The following SARAF variants were observed in gnomAD, a reference collection of about 807,000 sequenced individuals.
SARAF encodes the protein store-operated calcium entry-associated regulatory factor.
Under a neutral mutation model 39.7 loss-of-function variants are expected in SARAF, and 23 were observed. The observed-to-expected ratio is 0.58, with a 90% CI of 0.42 to 0.82. The LOEUF (loss-of-function observed/expected upper bound fraction) is 0.82, where lower values mean the gene tolerates loss of function less well. SARAF is among the 40% of genes least tolerant of loss of function. The probability of loss-of-function intolerance (pLI) is 0.00; values close to 1 mark genes in which losing one functional copy is unlikely to be tolerated. For missense variants in SARAF, 384 were observed against 418.5 expected (o/e 0.92, Z 0.72); for synonymous variants, 175 against 168.5 (o/e 1.04, Z -0.30).
At chr8:30,079,947 T>C (rs1400368616) in intron 1 of SARAF, among the ~76,000 whole-genome samples, 1 of 152,126 alleles carries the variant, frequency 6.6e-6, no homozygotes, top group African/African-American at 2.4e-5. Context: ...GACTCATAAA[T>C]CAAAATCACG....
rs140482948 is a variant in SARAF, at chr8:30,081,812, T to C, written c.103+1035A>G. On this transcript the variant is annotated intron_variant, in intron 1 of 5. Transcript: ENST00000256255. Reference sequence around the variant, plus strand: ...GAAAAAGTCAAAATCTGTATCTAAGTATATAGACATATACGTATTAATTGC... The same window carrying C: ...GAAAAAGTCAAAATCTGTATCTAAGCATATAGACATATACGTATTAATTGC... Among the ~76,000 whole-genome samples, 567 of 151,966 alleles carry C rather than the reference T, an allele frequency of 3.7e-3. 4 individuals are homozygous for C. The highest frequency in any genetic ancestry group is 0.012 in the African/African-American group (503 of 41,436).
chr8:30,075,927 C>T (rs75371627), intron 1 of SARAF, among the ~76,000 whole-genome samples: 1,961 of 139,686 alleles, frequency 0.014, 47 homozygotes, highest in East Asian at 0.079. Flanking sequence ...AGACAAATGC[C>T]AGAACAGCAA....
At chr8:30,067,215 G>A (rs1050561071) in intron 3 of SARAF, among the ~76,000 whole-genome samples, 21 of 152,116 alleles carry the variant, frequency 1.4e-4, no homozygotes, top group Admixed American at 3.3e-4. Context: ...CCACTTTTCA[G>A]GGTTACTTTC....
At chr8:30,068,895 T>C (rs1017313453) in intron 3 of SARAF, among the ~76,000 whole-genome samples, 3 of 152,196 alleles carry the variant, frequency 2.0e-5, no homozygotes, top group Non-Finnish European at 2.9e-5. Flanking sequence ...ACCCATGTTT[T>C]CTTTTATGGC....
At chr8:30,075,540 A>G (rs1216779804) in intron 1 of SARAF, among the ~76,000 whole-genome samples, 3 of 152,164 alleles carry the variant, frequency 2.0e-5, no homozygotes, top group Non-Finnish European at 4.4e-5. Flanking sequence ...AAAATCTGGA[A>G]AGCAGACCCT....
Position 30,069,673 on chromosome 8 carries a change from AG to A in SARAF, c.668del (p.Pro223LeufsTer51). 6.2e-7 allele frequency: 1 copy of A among 1,614,080 alleles called. No homozygotes were observed. Among genetic ancestry groups the A allele is most frequent in the Non-Finnish European group, 8.5e-7 (1 of 1,180,004 alleles). On this transcript the variant is annotated frameshift_variant, in exon 3 of 6. Transcript: ENST00000256255. LOFTEE classifies it high-confidence loss of function. ...RYQRFTNSAG[P>X]PPPGFKSEFT... ...ACTCAGACTTAAAGCCTGGGGGAGG[AG>A]GTCCTGCTGAGTTGGTGAATCTCTG... is the stretch of plus-strand genomic sequence containing the variant.
chr8:30,075,947 CTG>C (rs1801948251), intron 1 of SARAF, among the ~76,000 whole-genome samples: 2 of 103,208 alleles, frequency 1.9e-5, no homozygotes, highest in South Asian at 6.8e-4. Flanking sequence ...AAGGGGGAAA[CTG>C]AGAATCAACC....
Position 30,066,759 on chromosome 8 carries a change from T to A in SARAF, c.842+18A>T, listed in dbSNP as rs1431837349. 6.5e-7 allele frequency: 1 copy of A among 1,547,664 alleles called. No homozygotes were observed. Among genetic ancestry groups the A allele is most frequent in the Non-Finnish European group, 8.8e-7 (1 of 1,130,874 alleles). ...CTCTTGAATTAAAGAGCAAGTGAGATCAATGCAAAAAGCTTACCTATTGCT... is the reference window on the plus strand; with the variant it reads ...CTCTTGAATTAAAGAGCAAGTGAGAACAATGCAAAAAGCTTACCTATTGCT... On this transcript the variant is annotated intron_variant, in intron 4 of 5. Coordinates refer to ENST00000256255, the MANE Select transcript of SARAF (RefSeq NM_016127.6).
Position 30,082,853 on chromosome 8 carries a change from C to G in SARAF, c.97G>C (p.Asp33His). ...LTAGPALGWN[D>H]PDRMLLRDVK... ...GGGCCCTGGCAGCACTCACCAGGGT[C>G]GTTCCAGCCCAGGGCAGGGCCCGCG... Residue 33 changes from aspartate to histidine, a missense_variant, in exon 1 of 6, where the codon GAC (aspartate) becomes CAC (histidine). Asp to His is a moderately conservative substitution (Grantham distance 81). Transcript: ENST00000256255. The G allele has an allele frequency of 6.5e-7, 1 of 1,547,268 alleles. No individual in the cohort carries two copies. Among genetic ancestry groups the G allele is most frequent in the Non-Finnish European group, 8.7e-7 (1 of 1,147,960 alleles).
rs1801681234 is a variant in SARAF at position 30,066,070 on chromosome 8, A to G, written c.912T>C (p.Asn304=). 5 of 1,614,116 alleles carry G rather than the reference A, an allele frequency of 3.1e-6. No homozygotes were observed. Among genetic ancestry groups the G allele is most frequent in the Middle Eastern group, 1.6e-4 (1 of 6,062 alleles). Residue 304 remains asparagine, a synonymous_variant, in exon 5 of 6, where the codon AAT becomes AAC. Coordinates refer to ENST00000256255, the MANE Select transcript of SARAF (RefSeq NM_016127.6). ...SYPPSYPGTW[N]RAYSPLHGGS... Reference sequence around the variant, plus strand: ...CTCCATGAAGGGGTGAGTAAGCCCTATTCCACGTGCCAGGGTAGGAGGGAG... The same window carrying G: ...CTCCATGAAGGGGTGAGTAAGCCCTGTTCCACGTGCCAGGGTAGGAGGGAG...
Position 30,069,864 on chromosome 8 carries a change from C to G in SARAF, c.478G>C (p.Asp160His). Reference protein sequence around the residue: ...GKQHGFASFSDYYYKWSSADS... With the variant: ...GKQHGFASFSHYYYKWSSADS... ...GCCGAGGACCACTTATAATAATAAT[C>G]AGAGAAAGAGGCAAAGCCGTGCTGC... Residue 160 changes from aspartate (D) to histidine (H), a missense_variant, in exon 3 of 6, where the codon GAT (aspartate) becomes CAT (histidine). By Grantham distance (81) the Asp-to-His change is moderately conservative. Transcript: ENST00000256255. 1 of 1,614,130 alleles carries G rather than the reference C, an allele frequency of 6.2e-7. No homozygotes were observed.
At chr8:30,075,300 CAAAA>C (rs10717825) in intron 1 of SARAF, among the ~76,000 whole-genome samples, 1 of 130,802 alleles carries the variant, frequency 7.6e-6, no homozygotes, top group Non-Finnish European at 1.7e-5. Context: ...AACTCCATCT[CAAAA>C]AAAAAAAAAA....
At chr8:30,073,159 C>CTT (rs1204732074) in intron 2 of SARAF, among the ~76,000 whole-genome samples, 22 of 152,322 alleles carry the variant, frequency 1.4e-4, no homozygotes, top group African/African-American at 4.3e-4. Flanking sequence ...AAGGTTGTAT[C>CTT]AAACAAGAAT....
Position 30,063,840 on chromosome 8 carries a change from GA to G in SARAF, c.*47del. 6.3e-7 allele frequency: 1 copy of G among 1,586,178 alleles called. No homozygotes were observed. The highest frequency in any genetic ancestry group is 8.7e-7 in the Non-Finnish European group (1 of 1,155,220). ...ACTTTTTTTCTAAAGAGAAAGTGATGAAAAATCCAAAATTTCTGCATCCAGT... is the reference window on the plus strand; with the variant it reads ...ACTTTTTTTCTAAAGAGAAAGTGATGAAAATCCAAAATTTCTGCATCCAGT... On this transcript the variant is annotated 3_prime_UTR_variant, in exon 6 of 6. Transcript: ENST00000256255.
chr8:30,075,958 C>T (rs1411204840), intron 1 of SARAF, among the ~76,000 whole-genome samples: 1 of 105,944 alleles, frequency 9.4e-6, no homozygotes, highest in Non-Finnish European at 1.8e-5. Flanking sequence ...TGAGAATCAA[C>T]CTGATGTACA....
At position 30,074,008 on chromosome 8, in the gene SARAF, G is replaced by C; in HGVS notation, c.151C>G (p.Arg51Gly). 3.1e-6 allele frequency: 5 copies of C among 1,614,100 alleles called. No individual in the cohort carries two copies. The highest frequency in any genetic ancestry group is 4.2e-6 in the Non-Finnish European group (5 of 1,180,014). The change falls in exon 2 of 6, where the codon CGC (arginine) becomes GGC (glycine). Residue 51 changes from arginine (R) to glycine (G), a missense_variant. Physicochemically the swap from Arg to Gly is moderately radical, Grantham distance 125 (BLOSUM62 -2). Transcript: ENST00000256255. ...DVKALTLHYD[R>G]YTTSRRLDPI... ...TCCAGCCTGCGGGAGGTGGTATAGC[G>C]GTCATAGTGGAGGGTAAGAGCTTTT...
chr8:30,070,792 C>A (rs1801823405), intron 2 of SARAF, among the ~76,000 whole-genome samples: 1 of 152,142 alleles, frequency 6.6e-6, no homozygotes, highest in South Asian at 2.1e-4. Context: ...CTGGTAGCTA[C>A]ACAAAGCAAC....
intron 2 of SARAF, among the ~76,000 whole-genome samples, chr8:30,072,237 A>G (rs1182386866): frequency 2.6e-5 from 4 of 152,170 alleles, no homozygotes; most frequent in African/African-American, 9.7e-5. Flanking sequence ...TATTACTTAT[A>G]TATCTTCCTT....
At chr8:30,066,480 C>T (rs1331244747) in intron 4 of SARAF, among the ~76,000 whole-genome samples, 1 of 152,144 alleles carries the variant, frequency 6.6e-6, no homozygotes, top group Non-Finnish European at 1.5e-5. Context: ...CCAGACTGTT[C>T]CCCAAATGCT....
Sources: gnomAD v4.1 joint callset for allele counts (sites outside exome capture counted in the v4.1 genomes callset) on GRCh38, gnomAD v4.1.1 for gene constraint, MANE v1.5 for transcripts, NCBI Gene and HGNC (gene_info 2026-07-23, HGNC 2026-07-21) for gene names.